ZMYM2: variants seen among roughly 807,000 people sequenced by gnomAD.
The protein encoded by ZMYM2 is zinc finger MYM-type protein 2.
In ZMYM2, 56 loss-of-function variants were observed where a neutral mutation model predicts 162.8. The observed-to-expected ratio is 0.34, with a 90% CI of 0.28 to 0.43. The LOEUF is 0.43. Ranked by LOEUF, ZMYM2 falls within the 20% of genes least tolerant of loss-of-function variation. The probability of loss-of-function intolerance (pLI) is 1.00; values close to 1 mark genes in which losing one functional copy is unlikely to be tolerated. For synonymous variants in ZMYM2, 510 were observed against 541.6 expected, an observed-to-expected ratio of 0.94 and a Z score of 0.81; for missense variants, 1,275 against 1,621.8, an observed-to-expected ratio of 0.79 and a Z score of 3.67.
intron 5 of ZMYM2, among the ~76,000 whole-genome samples, chr13:20,005,895 C>T (rs1382209299): frequency 2.6e-5 from 4 of 151,840 alleles, no homozygotes; most frequent in Admixed American, 2.6e-4. Context: ...TTTTTCAGTG[C>T]CATACATGTG....
At chr13:20,063,907 ATAAT>A (rs1343530814) in intron 18 of ZMYM2, among the ~76,000 whole-genome samples, 4 of 9,986 alleles carry the variant, frequency 4.0e-4, no homozygotes, top group Non-Finnish European at 1.9e-3. Context: ...AATTTTATAT[ATAAT>A]ATATATTTTA....
intron 21 of ZMYM2, among the ~76,000 whole-genome samples, chr13:20,069,766 C>A (rs1238688029): frequency 6.6e-6 from 1 of 151,432 alleles, no homozygotes; most frequent in Non-Finnish European, 1.5e-5. Context: ...ATAAGTAGTT[C>A]AGAGTTTTCT....
At chr13:19,931,134 C>G in the ZMYM2 span, among the ~76,000 whole-genome samples, 4 of 128,556 alleles carry the variant, frequency 3.1e-5, no homozygotes, top group South Asian at 7.2e-4. Context: ...GCGAGACTCT[C>G]TCTCAAAAAA....
At chr13:20,054,807 C>T (rs1955654551) in intron 14 of ZMYM2, among the ~76,000 whole-genome samples, 1 of 152,114 alleles carries the variant, frequency 6.6e-6, no homozygotes, top group South Asian at 2.1e-4. Context: ...CAGTTAAGAG[C>T]GAACTTTCCT....
intron 14 of ZMYM2, 46 bp downstream of exon 14, chr13:20,052,357 T>C (rs1593129108): frequency 3.9e-6 from 6 of 1,524,260 alleles, no homozygotes; most frequent in Non-Finnish European, 5.3e-6. Flanking sequence ...TTTTGTAATA[T>C]GGGGTAAAAA....
chr13:19,966,127 TTTTTG>T (rs201021332), intron 2 of ZMYM2, among the ~76,000 whole-genome samples: 18 of 147,494 alleles, frequency 1.2e-4, no homozygotes, highest in South Asian at 4.3e-4. Flanking sequence ...TTTTTTTTTG[TTTTTG>T]TTTTGTTTTG....
chr13:20,005,284 T>C (rs1367271509), intron 5 of ZMYM2, 45 bp downstream of exon 5: 4 of 1,363,236 alleles, frequency 2.9e-6, no homozygotes, highest in East Asian at 2.7e-5. Flanking sequence ...CAAATAGGAA[T>C]ATTTTAAACT....
At chr13:19,973,004 T>G (rs1956461173) in intron 2 of ZMYM2, among the ~76,000 whole-genome samples, 1 of 151,532 alleles carries the variant, frequency 6.6e-6, no homozygotes, top group Non-Finnish European at 1.5e-5. Context: ...TGGTGCGATC[T>G]CGGCTCACTG....
the ZMYM2 span, among the ~76,000 whole-genome samples, chr13:19,928,885 T>TCCACCCACCTCGGCCTC: frequency 6.6e-6 from 1 of 152,118 alleles, no homozygotes. Context: ...CCTCAGGCGT[T>TCCACCCACCTCGGCCTC]CCACCCACCT....
At chr13:20,011,923 T>C (rs1391260180) in intron 6 of ZMYM2, among the ~76,000 whole-genome samples, 1 of 152,032 alleles carries the variant, frequency 6.6e-6, no homozygotes, top group Non-Finnish European at 1.5e-5. Context: ...TATTTTTTTG[T>C]ATTTTTAGTA....
At chr13:19,951,516 C>A in the ZMYM2 span, among the ~76,000 whole-genome samples, 1 of 111,080 alleles carries the variant, frequency 9.0e-6, no homozygotes, top group South Asian at 3.4e-4. Flanking sequence ...ACGGTGAAAC[C>A]CCATCTCTAC....
chr13:19,904,973 A>G, the ZMYM2 span, among the ~76,000 whole-genome samples: 33 of 150,332 alleles, frequency 2.2e-4, no homozygotes, highest in Non-Finnish European at 2.2e-4. Flanking sequence ...TAATGCTGTT[A>G]TGAACAAATA....
intron 2 of ZMYM2, among the ~76,000 whole-genome samples, chr13:19,964,728 T>C (rs1955586073): frequency 6.6e-6 from 1 of 152,234 alleles, no homozygotes; most frequent in East Asian, 1.9e-4. Context: ...TTTTTTTTTT[T>C]CTCTCTAAGT....
chr13:20,032,733 C>G (rs1428874523), intron 10 of ZMYM2, among the ~76,000 whole-genome samples: 1 of 150,358 alleles, frequency 6.7e-6, no homozygotes, highest in Non-Finnish European at 1.5e-5. Flanking sequence ...CTCAGTTTCC[C>G]AAGTAGCTGG....
chr13:20,079,324 A>G (rs1191723506), intron 21 of ZMYM2, among the ~76,000 whole-genome samples: 1 of 136,510 alleles, frequency 7.3e-6, no homozygotes, highest in Admixed American at 7.6e-5. Context: ...CTCAAAAAAA[A>G]AAAAAAAAAA....
intron 16 of ZMYM2, 47 bp downstream of exon 16, chr13:20,059,609 C>A: frequency 2.3e-6 from 2 of 884,404 alleles, no homozygotes; most frequent in Non-Finnish European, 3.9e-6. Context: ...TTAGCAGACA[C>A]AGTTGGGAAA....
At chr13:19,881,555 G>A in the ZMYM2 span, among the ~76,000 whole-genome samples, 242 of 152,088 alleles carry the variant, frequency 1.6e-3, no homozygotes, top group Non-Finnish European at 2.4e-3. Context: ...CCAGGAGGAG[G>A]AGGTTGCAGT....
At chr13:19,888,684 C>G in the ZMYM2 span, among the ~76,000 whole-genome samples, 1 of 151,874 alleles carries the variant, frequency 6.6e-6, no homozygotes, top group Admixed American at 6.6e-5. Flanking sequence ...ATTGCAACCT[C>G]TGTCTCCTGA....
At chr13:19,934,908 A>G in the ZMYM2 span, among the ~76,000 whole-genome samples, 1 of 151,840 alleles carries the variant, frequency 6.6e-6, no homozygotes, top group African/African-American at 2.4e-5. Flanking sequence ...CTGGGATTAC[A>G]GGGGCTTAAC....
Sources: gnomAD v4.1 joint callset for allele counts (sites outside exome capture counted in the v4.1 genomes callset) on GRCh38, gnomAD v4.1.1 for gene constraint, MANE v1.5 for transcripts, NCBI Gene and HGNC (gene_info 2026-07-23, HGNC 2026-07-21) for gene names.